CEP250: variants seen among roughly 807,000 people sequenced by gnomAD.
CEP250 encodes the protein centrosome-associated protein CEP250.
In CEP250, 242 loss-of-function variants were observed where a neutral mutation model predicts 315.7. The ratio of observed to expected loss-of-function variants is 0.77; its 90% CI spans 0.69 to 0.85. The LOEUF is 0.85. CEP250 is among the 40% of genes least tolerant of loss of function. The pLI is 0.00. For synonymous variants in CEP250, 1,088 were observed against 1,175.0 expected, an observed-to-expected ratio of 0.93 and a Z score of 1.51; for missense variants, 2,515 against 2,886.4, an observed-to-expected ratio of 0.87 and a Z score of 2.95.
Position 35,511,900 on chromosome 20 carries a change from G to T in CEP250, c.*274G>T. 1 of 1,244,656 alleles carries T rather than the reference G, an allele frequency of 8.0e-7. No homozygotes were observed. The highest frequency in any genetic ancestry group is 1.0e-6 in the Non-Finnish European group (1 of 993,514). The allele number at this position is 1,244,656 out of a possible 1,614,324, so 77.1% of individuals were successfully genotyped here. A position where few individuals can be genotyped will look rare whatever the true frequency, so the allele number is the denominator to read the frequency against. ...AGGGACATGTACTGCCTCTCATCTA[G>T]AATTTATTTTCCTAGCACTTCACCA... is the stretch of plus-strand genomic sequence containing the variant. On this transcript the variant is annotated 3_prime_UTR_variant, in exon 35 of 35. Transcript: ENST00000397527.
chr20:35,478,001 A>C lies in CEP250; in HGVS notation c.1994A>C (p.Glu665Ala). 1.2e-6 allele frequency: 2 copies of C among 1,614,054 alleles called. No homozygotes were observed. Among genetic ancestry groups the C allele is most frequent in the South Asian group, 1.1e-5 (1 of 91,020 alleles). Reference protein sequence around the residue: ...EALWEKNTHLEAQLQKAEEAG... With the variant: ...EALWEKNTHLAAQLQKAEEAG... ...CTGTGGGAAAAGAACACTCACCTGG[A>C]GGCTCAGCTGCAGAAAGCTGAGGAG... The change falls in exon 17 of 35, where the codon GAG becomes GCG. Residue 665 changes from glutamate to alanine, a missense_variant. Physicochemically the swap from Glu to Ala is moderately radical, Grantham distance 107 (BLOSUM62 -1). Coordinates refer to ENST00000397527, the MANE Select transcript of CEP250 (RefSeq NM_007186.6).
intron 15 of CEP250, 50 bp from the exon 16 acceptor site, chr20:35,476,399 T>C: frequency 6.3e-7 from 1 of 1,575,354 alleles, no homozygotes; most frequent in Non-Finnish European, 8.7e-7. Context: ...CTGTTTACTG[T>C]TCCAGGAAAA....
chr20:35,504,230 A>G lies in CEP250; in HGVS notation c.5861A>G (p.His1954Arg). 1.9e-6 allele frequency: 3 copies of G among 1,608,260 alleles called. No homozygotes were observed. Among genetic ancestry groups the G allele is most frequent in the Non-Finnish European group, 2.5e-6 (3 of 1,177,620 alleles). The part of the protein sequence containing the change: ...ALRAESQSSR[H>R]QEEAARARAE... ...CGGGCAGAAAGTCAGTCCTCCCGGC[A>G]TCAGGAGGAGGCTGCCCGGGCCCGG... The change falls in exon 30 of 35, where the codon CAT becomes CGT. Residue 1954 changes from histidine to arginine, a missense_variant. His to Arg is a conservative substitution (Grantham distance 29). Coordinates refer to ENST00000397527, the MANE Select transcript of CEP250 (RefSeq NM_007186.6).
chr20:35,494,382 A>C, intron 23 of CEP250, 142 bp from the exon 24 acceptor site: 3 of 1,068,766 alleles, frequency 2.8e-6, no homozygotes, highest in Non-Finnish European at 4.1e-6. Flanking sequence ...AACAGTGTGT[A>C]GGAATTGGTA....
At chr20:35,467,581 G>T in intron 9 of CEP250, 26 bp downstream of exon 9, 2 of 1,608,290 alleles carry the variant, frequency 1.2e-6, no homozygotes, top group African/African-American at 1.3e-5. Flanking sequence ...GTCCCAAGAA[G>T]GGTTCGCTGA....
At chr20:35,490,906 C>T in intron 21 of CEP250, 102 bp downstream of exon 21, 1 of 1,383,772 alleles carries the variant, frequency 7.2e-7, no homozygotes. Flanking sequence ...GAGGGGCTTC[C>T]AGAAGAGAGG....
At chr20:35,456,417 G>T (rs1393127961) in intron 1 of CEP250, among the ~76,000 whole-genome samples, 1 of 152,130 alleles carries the variant, frequency 6.6e-6, no homozygotes, top group Non-Finnish European at 1.5e-5. Flanking sequence ...CTTTACTTTG[G>T]CCCTGGGAGT....
chr20:35,498,061 G>C lies in CEP250; in HGVS notation c.3649G>C (p.Glu1217Gln), dbSNP rs770036099. The C allele has an allele frequency of 7.0e-6, 11 of 1,564,604 alleles. No individual in the cohort carries two copies. In the Middle Eastern group the frequency reaches 5.2e-4, roughly 73 times the overall value. Residue 1217 changes from glutamate (E) to glutamine (Q), a missense_variant, in exon 26 of 35, where the codon GAG becomes CAG. Glu to Gln is a conservative substitution (Grantham distance 29). Transcript: ENST00000397527. The part of the protein sequence containing the change: ...GDSAPSVWGL[E>Q]PDQNGARSLF... ...CTCTGCTCCTTCCGTCTGGGGCCTT[G>C]AGCCAGGTGAGACAGCCTCCCCAGA... is the stretch of plus-strand genomic sequence containing the variant.
chr20:35,455,818 A>G (rs2062606926), intron 1 of CEP250, 67 bp downstream of exon 1: 1 of 152,238 alleles, frequency 6.6e-6, no homozygotes, highest in Non-Finnish European at 1.5e-5. Context: ...CTAGCACGTG[A>G]TGATAATAGT....
intron 20 of CEP250, among the ~76,000 whole-genome samples, chr20:35,484,916 G>C (rs894918807): frequency 6.6e-6 from 1 of 152,018 alleles, no homozygotes; most frequent in South Asian, 2.1e-4. Context: ...TATAATTTTC[G>C]CATGTCACAA....
Position 35,479,329 on chromosome 20 carries a change from G to T in CEP250, c.2193G>T (p.Lys731Asn). Reference protein sequence around the residue: ...EEVLARAVQEKEALVREKAAL... With the variant: ...EEVLARAVQENEALVREKAAL... ...TGCTTGCCAGGGCAGTCCAGGAGAA[G>T]GAGGCCCTAGTACGAGAGAAAGCGG... is the stretch of plus-strand genomic sequence containing the variant. Residue 731 changes from lysine to asparagine, a missense_variant, in exon 18 of 35, where the codon AAG becomes AAT. Transcript: ENST00000397527. The T allele has an allele frequency of 6.2e-7, 1 of 1,614,230 alleles. No individual in the cohort carries two copies. The highest frequency in any genetic ancestry group is 8.5e-7 in the Non-Finnish European group (1 of 1,180,040).
chr20:35,458,011 T>G (rs1325281005), intron 1 of CEP250, among the ~76,000 whole-genome samples: 1 of 152,220 alleles, frequency 6.6e-6, no homozygotes, highest in Non-Finnish European at 1.5e-5. Context: ...TTTGTTTTTT[T>G]CAGGAGTAAG....
chr20:35,482,262 C>T (rs962127471), intron 20 of CEP250, among the ~76,000 whole-genome samples: 8 of 152,088 alleles, frequency 5.3e-5, no homozygotes, highest in Non-Finnish European at 8.8e-5. Context: ...GACGGAGTCT[C>T]GCTCTGTTGC....
Position 35,512,131 on chromosome 20 carries a change from A to G in CEP250, c.*505A>G. The stretch of plus-strand genomic sequence containing the variant: ...AAGGGTTACAGAGAACACACAAGAC[A>G]AAGCCCCTGTCCACAGACAGCCTAC... On this transcript the variant is annotated 3_prime_UTR_variant, in exon 35 of 35. Transcript: ENST00000397527. 1 of 753,668 alleles carries G rather than the reference A, an allele frequency of 1.3e-6. No individual in the cohort carries two copies. The highest frequency in any genetic ancestry group is 5.9e-5 in the South Asian group (1 of 16,936). 46.7% of individuals were successfully genotyped at this position (753,668 alleles called of 1,614,324 possible). A position where few individuals can be genotyped will look rare whatever the true frequency, so the allele number is the denominator to read the frequency against.
At position 35,516,175 on chromosome 20, in the gene CEP250, T is replaced by A. The variant is rs550349779; in HGVS notation, c.*4549T>A. 7.9e-5 allele frequency: 12 copies of A among 152,366 alleles called. No homozygotes were observed. Among genetic ancestry groups the A allele is most frequent in the African/African-American group, 2.6e-4 (11 of 41,582 alleles). 9.4% of individuals were successfully genotyped at this position (152,366 alleles called of 1,614,324 possible). ...TGCCAAGGCTGTGTGATGTGTCATC[T>A]GAGAGAGTGGGTAACCCCTATTCCC... On this transcript the variant is annotated 3_prime_UTR_variant, in exon 35 of 35. Coordinates refer to ENST00000397527, the MANE Select transcript of CEP250 (RefSeq NM_007186.6).
At position 35,508,987 on chromosome 20, in the gene CEP250, G is replaced by T; in HGVS notation, c.6951G>T (p.Ala2317=). ...AGCTGAAGAGGGAGGCCATGCGTGC[G>T]GCCCAGGCAGGGTCCCTAGAGATCA... is the stretch of plus-strand genomic sequence containing the variant. The part of the protein sequence containing the change: ...RRKLKREAMR[A]AQAGSLEISK... Residue 2317 remains alanine, a synonymous_variant, in exon 33 of 35, where the codon GCG becomes GCT. Transcript: ENST00000397527. 6.4e-7 allele frequency: 1 copy of T among 1,558,390 alleles called. No homozygotes were observed. Among genetic ancestry groups the T allele is most frequent in the Non-Finnish European group, 8.7e-7 (1 of 1,150,316 alleles).
At chr20:35,467,626 GC>G in intron 9 of CEP250, 71 bp downstream of exon 9, 1 of 1,509,294 alleles carries the variant, frequency 6.6e-7, no homozygotes, top group South Asian at 1.2e-5. Context: ...TTAGGGACAG[GC>G]AGGGGGAGGT....
At chr20:35,509,161 T>A (rs1292078081) in intron 33 of CEP250, 117 bp downstream of exon 33, 1 of 781,114 alleles carries the variant, frequency 1.3e-6, no homozygotes, top group African/African-American at 1.7e-5. Flanking sequence ...AGAGAGCCCC[T>A]CCTGACTGCA....
rs1177037275 is a variant in CEP250, at chr20:35,518,592, A to G, written c.*6966A>G. ...TTTCCCTTTCTCTTTGAGTATCATT[A>G]TGAGCTCAAAGTTTTTTATATATTC... On this transcript the variant is annotated 3_prime_UTR_variant, in exon 35 of 35. Coordinates refer to ENST00000397527, the MANE Select transcript of CEP250 (RefSeq NM_007186.6). The G allele has an allele frequency of 1.3e-5, 2 of 152,208 alleles. No homozygotes were observed. Among genetic ancestry groups the G allele is most frequent in the Non-Finnish European group, 2.9e-5 (2 of 68,032 alleles). 9.4% of individuals were successfully genotyped at this position (152,208 alleles called of 1,614,324 possible).
Sources: gnomAD v4.1 joint callset for allele counts (sites outside exome capture counted in the v4.1 genomes callset) on GRCh38, gnomAD v4.1.1 for gene constraint, MANE v1.5 for transcripts, NCBI Gene and HGNC (gene_info 2026-07-23, HGNC 2026-07-21) for gene names.